SLC4A7: variants seen among roughly 807,000 people sequenced by gnomAD.
The protein encoded by SLC4A7 is sodium bicarbonate cotransporter 3.
In SLC4A7, 51 loss-of-function variants were observed where a neutral mutation model predicts 137.6. That is an observed-to-expected ratio of 0.37 (90% CI 0.30 to 0.47). The LOEUF (loss-of-function observed/expected upper bound fraction) is 0.47, where lower values mean the gene tolerates loss of function less well. Ranked by LOEUF, SLC4A7 falls within the 20% of genes least tolerant of loss-of-function variation. SLC4A7 has a pLI of 1.00. For missense variants in SLC4A7, 1,247 were observed against 1,525.4 expected (o/e 0.82, Z 3.04); for synonymous variants, 542 against 518.6 (o/e 1.05, Z -0.61).
intron 22 of SLC4A7, among the ~76,000 whole-genome samples, chr3:27,387,973 G>T (rs990773918): frequency 6.6e-6 from 1 of 152,028 alleles, no homozygotes; most frequent in Non-Finnish European, 1.5e-5. Context: ...TTTCTTTAAA[G>T]GGGTCTTTCT....
intron 6 of SLC4A7, 56 bp downstream of exon 6, chr3:27,433,860 G>A (rs3278): frequency 0.12 from 167,467 of 1,413,372 alleles, 10,596 homozygotes; most frequent in Middle Eastern, 0.2. Flanking sequence ...GTAACATACT[G>A]GAAAGCTGTT....
At chr3:27,463,686 AT>A (rs1177909228) in intron 1 of SLC4A7, among the ~76,000 whole-genome samples, 1 of 152,076 alleles carries the variant, frequency 6.6e-6, no homozygotes, top group Non-Finnish European at 1.5e-5. Flanking sequence ...AGTTTGCGCC[AT>A]TTGCCGGGGG....
chr3:27,434,113 T>TA lies in SLC4A7; in HGVS notation c.590-10_590-9insT. 2 of 1,558,478 alleles carry TA rather than the reference T, an allele frequency of 1.3e-6. No homozygotes were observed. Among genetic ancestry groups the TA allele is most frequent in the Non-Finnish European group, 8.7e-7 (1 of 1,154,650 alleles). Reference sequence around the variant, plus strand: ...GTTGTCTAATACCATATCTATTCAATGAAAAAAAAAATAAATTACTAAACA... The same window carrying TA: ...GTTGTCTAATACCATATCTATTCAATAGAAAAAAAAAATAAATTACTAAACA... On this transcript the variant is annotated splice_polypyrimidine_tract_variant and intron_variant, in intron 5 of 25. Coordinates refer to ENST00000454389, the MANE Select transcript of SLC4A7 (RefSeq NM_001321103.2).
At chr3:27,462,279 A>G (rs181324671) in intron 1 of SLC4A7, among the ~76,000 whole-genome samples, 156 of 152,336 alleles carry the variant, frequency 1.0e-3, no homozygotes, top group African/African-American at 3.7e-3. Flanking sequence ...TGGTGCAGCA[A>G]TATGACTTCT....
intron 11 of SLC4A7, among the ~76,000 whole-genome samples, chr3:27,417,610 T>C (rs1363896985): frequency 6.6e-6 from 1 of 151,922 alleles, no homozygotes; most frequent in African/African-American, 2.4e-5. Flanking sequence ...AAAAATTAGC[T>C]GGGGCTGGTA....
At chr3:27,454,686 T>G (rs1399048634) in intron 1 of SLC4A7, among the ~76,000 whole-genome samples, 1 of 152,172 alleles carries the variant, frequency 6.6e-6, no homozygotes. Context: ...TCTCTGAACA[T>G]GCACAGGTAC....
At chr3:27,443,617 T>C (rs1261912402) in intron 3 of SLC4A7, among the ~76,000 whole-genome samples, 8 of 152,202 alleles carry the variant, frequency 5.3e-5, no homozygotes, top group African/African-American at 1.9e-4. Context: ...GATTTCAACT[T>C]TTTTCTGTTC....
intron 3 of SLC4A7, among the ~76,000 whole-genome samples, chr3:27,440,556 C>G (rs1477503966): frequency 6.7e-6 from 1 of 149,756 alleles, no homozygotes; most frequent in Non-Finnish European, 1.5e-5. Flanking sequence ...GGTGAAACCC[C>G]GTCTCTATGA....
chr3:27,405,627 GATAA>G (rs1225304995), intron 13 of SLC4A7, among the ~76,000 whole-genome samples: 3 of 152,104 alleles, frequency 2.0e-5, no homozygotes, highest in African/African-American at 7.2e-5. Flanking sequence ...TCGAATAGGT[GATAA>G]ATCAACATGT....
At chr3:27,479,195 G>A (rs567313173) in intron 1 of SLC4A7, among the ~76,000 whole-genome samples, 33 of 152,198 alleles carry the variant, frequency 2.2e-4, no homozygotes, top group Non-Finnish European at 4.1e-4. Context: ...AGGGTGGATC[G>A]CTTGAGCCAA....
rs187756134 is a variant in SLC4A7, at chr3:27,372,840, T to C, written c.*3924A>G. On this transcript the variant is annotated 3_prime_UTR_variant, in exon 26 of 26. Transcript: ENST00000454389. ...AGGATGATTCACAATATAGACCCAG[T>C]AGAGGCTTATACTTCATATAAATGA... The C allele has an allele frequency of 1.8e-3, 270 of 152,726 alleles. 2 individuals carry two copies. Among genetic ancestry groups the C allele is most frequent in the Admixed American group, 5.2e-3 (79 of 15,296 alleles). 9.5% of individuals were successfully genotyped at this position (152,726 alleles called of 1,614,324 possible).
rs1257961028 is a variant in SLC4A7 at position 27,373,151 on chromosome 3, AAAAC to A, written c.*3609_*3612del. ...ATCAGTGTGCAAAAATCTGATTAAA[AAAAC>A]AAAACAAAACTGGGGTTTAACAATT... On this transcript the variant is annotated 3_prime_UTR_variant, in exon 26 of 26. Transcript: ENST00000454389. 2 of 139,962 alleles carry A rather than the reference AAAAC, an allele frequency of 1.4e-5. No homozygotes were observed. The highest frequency in any genetic ancestry group is 3.2e-5 in the Non-Finnish European group (2 of 63,060). The allele number at this position is 139,962 out of a possible 1,614,324, so 8.7% of individuals were successfully genotyped here.
At chr3:27,429,174 G>A (rs1204160235) in intron 7 of SLC4A7, among the ~76,000 whole-genome samples, 1 of 151,942 alleles carries the variant, frequency 6.6e-6, no homozygotes, top group Non-Finnish European at 1.5e-5. Flanking sequence ...GCTGAGGCAG[G>A]AGAATCACTT....
chr3:27,482,245 T>C (rs1264255213), intron 1 of SLC4A7, among the ~76,000 whole-genome samples: 1 of 152,256 alleles, frequency 6.6e-6, no homozygotes, highest in Non-Finnish European at 1.5e-5. Context: ...ATAAGTGTTA[T>C]TACAATGAAT....
In SLC4A7 at chr3:27,433,558, C is replaced by CT. The variant is rs774834435; in HGVS notation, c.778+357dup. On this transcript the variant is annotated intron_variant, in intron 6 of 25. Coordinates refer to ENST00000454389, the MANE Select transcript of SLC4A7 (RefSeq NM_001321103.2). ...GTAAGACTGGAACAGTCATAAAAGC[C>CT]TTTCACAAGTTGTACAAATAAAGAG... Among the ~76,000 whole-genome samples the CT allele has an allele frequency of 2.0e-4, 31 of 152,132 alleles. 1 individual carries two copies. The highest frequency in any genetic ancestry group is 7.2e-4 in the Admixed American group (11 of 15,266).
intron 11 of SLC4A7, among the ~76,000 whole-genome samples, chr3:27,417,737 G>C (rs1263092075): frequency 6.6e-6 from 1 of 152,128 alleles, no homozygotes; most frequent in Admixed American, 6.5e-5. Context: ...CTGGGTGACA[G>C]AGCAAGACCC....
At chr3:27,440,281 C>T (rs1291289761) in intron 3 of SLC4A7, among the ~76,000 whole-genome samples, 1 of 152,152 alleles carries the variant, frequency 6.6e-6, no homozygotes, top group African/African-American at 2.4e-5. Flanking sequence ...GCCTACATTC[C>T]TGGGGTCAGG....
rs2056723112 is a variant in SLC4A7, at chr3:27,436,148, C to G, written c.589+240G>C. ...CCAAAAAACAAGGAAACAAAAAACT[C>G]TTTTCTGAATTTCCACAGAACAGAC... On this transcript the variant is annotated intron_variant, in intron 5 of 25. Coordinates refer to ENST00000454389, the MANE Select transcript of SLC4A7 (RefSeq NM_001321103.2). 2.0e-5 allele frequency among the ~76,000 whole-genome samples: 3 copies of G among 152,184 alleles called. No individual in the cohort carries two copies. The South Asian group carries it at 6.2e-4, about 31-fold the overall frequency.
intron 22 of SLC4A7, among the ~76,000 whole-genome samples, 178 bp from the exon 23 acceptor site, chr3:27,386,201 TAAA>T (rs34806095): frequency 8.5e-4 from 120 of 141,422 alleles, no homozygotes; most frequent in African/African-American, 1.0e-3. Flanking sequence ...TACTTTGTGC[TAAA>T]AAAAAAAAAA....
Sources: gnomAD v4.1 joint callset for allele counts (sites outside exome capture counted in the v4.1 genomes callset) on GRCh38, gnomAD v4.1.1 for gene constraint, MANE v1.5 for transcripts, NCBI Gene and HGNC (gene_info 2026-07-23, HGNC 2026-07-21) for gene names.